IFT80: variants seen among roughly 807,000 people sequenced by gnomAD.
The protein encoded by IFT80 is intraflagellar transport 80.
A neutral mutation model predicts 107.9 loss-of-function variants in IFT80; 79 were observed. That is an observed-to-expected ratio of 0.73 (90% CI 0.61 to 0.88). The LOEUF is 0.88. IFT80 is among the 40% of genes least tolerant of loss of function. IFT80 has a pLI of 0.00. For synonymous variants in IFT80, 299 were observed against 300.9 expected, an observed-to-expected ratio of 0.99 and a Z score of 0.07; for missense variants, 797 against 914.2, an observed-to-expected ratio of 0.87 and a Z score of 1.65.
At chr3:160,268,878 G>T (rs575411473) in intron 18 of IFT80, 1 of 268,526 alleles carries the variant, frequency 3.7e-6, no homozygotes, top group Admixed American at 5.0e-5. Flanking sequence ...CTTATTGAAG[G>T]GAGACATTTC....
chr3:160,325,390 T>C (rs1308800170), intron 8 of IFT80, among the ~76,000 whole-genome samples: 1 of 152,102 alleles, frequency 6.6e-6, no homozygotes, highest in Non-Finnish European at 1.5e-5. Context: ...AAGGAATGTC[T>C]TACTAAAATT....
At chr3:160,359,348 G>C (rs1162731603) in intron 6 of IFT80, among the ~76,000 whole-genome samples, 1 of 152,126 alleles carries the variant, frequency 6.6e-6, no homozygotes, top group Non-Finnish European at 1.5e-5. Flanking sequence ...CTAATTACAG[G>C]TATCTAAACA....
intron 10 of IFT80, among the ~76,000 whole-genome samples, chr3:160,305,416 G>T (rs1716766602): frequency 1.3e-5 from 2 of 152,116 alleles, no homozygotes; most frequent in Non-Finnish European, 2.9e-5. Flanking sequence ...TTATTAATTA[G>T]TCTGGGGTTC....
At chr3:160,381,916 A>C (rs1325483628) in intron 2 of IFT80, among the ~76,000 whole-genome samples, 192 bp from the exon 3 acceptor site, 2 of 152,190 alleles carry the variant, frequency 1.3e-5, no homozygotes, top group Non-Finnish European at 2.9e-5. Context: ...GAATTGTAAA[A>C]ATGGAAAGCA....
intron 16 of IFT80, among the ~76,000 whole-genome samples, chr3:160,278,759 G>A (rs1286088369): frequency 1.3e-5 from 2 of 152,078 alleles, no homozygotes; most frequent in African/African-American, 4.8e-5. Context: ...AAAGGTCTAT[G>A]GTCAAACATG....
intron 8 of IFT80, chr3:160,320,253 A>T (rs1021024424): frequency 1.4e-5 from 3 of 216,238 alleles, no homozygotes; most frequent in African/African-American, 6.9e-5. Flanking sequence ...TCTGTAGAAA[A>T]AACAAAGACA....
Position 160,357,581 on chromosome 3 carries a change from G to A in IFT80, c.550-3C>T. ...ATAATGCCATCATGAGCTTTCCACT[G>A]TGAGAAAAAAGAATAAGATATTAAT... On this transcript the variant is annotated splice_polypyrimidine_tract_variant and splice_region_variant and intron_variant, in intron 6 of 19. Transcript: ENST00000326448. 6.4e-7 allele frequency: 1 copy of A among 1,568,512 alleles called. No homozygotes were observed. The highest frequency in any genetic ancestry group is 8.8e-7 in the Non-Finnish European group (1 of 1,141,116).
chr3:160,284,508 C>G (rs978720175), intron 13 of IFT80, among the ~76,000 whole-genome samples: 2 of 152,184 alleles, frequency 1.3e-5, no homozygotes, highest in African/African-American at 4.8e-5. Flanking sequence ...CTCATACACT[C>G]TCTTTGGAAG....
rs529617151 is a variant in IFT80, at chr3:160,258,423, G to T, written c.*102C>A. On this transcript the variant is annotated 3_prime_UTR_variant, in exon 20 of 20. Transcript: ENST00000326448. Reference sequence around the variant, plus strand: ...AATACACAGCAAGTACTTATACTCGGTTAAAGATTATGCTTTTTTCTTTAG... The same window carrying T: ...AATACACAGCAAGTACTTATACTCGTTTAAAGATTATGCTTTTTTCTTTAG... 1.9e-4 allele frequency: 268 copies of T among 1,433,810 alleles called. 6 individuals carry two copies. The South Asian group carries it at 3.0e-3, about 16-fold the overall frequency. 88.8% of individuals were successfully genotyped at this position (1,433,810 alleles called of 1,614,324 possible). A position where few individuals can be genotyped will look rare whatever the true frequency, so the allele number is the denominator to read the frequency against.
chr3:160,257,554 G>A lies in IFT80; in HGVS notation c.*971C>T, dbSNP rs981268214. 1 of 152,118 alleles carries A rather than the reference G, an allele frequency of 6.6e-6. No individual in the cohort carries two copies. Among genetic ancestry groups the A allele is most frequent in the African/African-American group, 2.4e-5 (1 of 41,414 alleles). The allele number at this position is 152,118 out of a possible 1,614,324, so 9.4% of individuals were successfully genotyped here. On this transcript the variant is annotated 3_prime_UTR_variant, in exon 20 of 20. Coordinates refer to ENST00000326448, the MANE Select transcript of IFT80 (RefSeq NM_020800.3). ...ATTCTCAAGTCAAGAGAGGAATGAG[G>A]AGAATCCTTCTTGCCCATTCTAGAT...
intron 1 of IFT80, among the ~76,000 whole-genome samples, chr3:160,398,277 GA>G (rs1259024714): frequency 6.6e-6 from 1 of 152,086 alleles, no homozygotes; most frequent in Non-Finnish European, 1.5e-5. Flanking sequence ...GAGAATCACT[GA>G]ACCTGACTTC....
At chr3:160,291,854 A>G (rs1715585012) in intron 12 of IFT80, among the ~76,000 whole-genome samples, 1 of 152,188 alleles carries the variant, frequency 6.6e-6, no homozygotes, top group Non-Finnish European at 1.5e-5. Flanking sequence ...GGTGATTGGA[A>G]TTGACGAGCA....
At chr3:160,316,871 A>C (rs557829997) in intron 9 of IFT80, among the ~76,000 whole-genome samples, 1 of 152,286 alleles carries the variant, frequency 6.6e-6, no homozygotes, top group African/African-American at 2.4e-5. Flanking sequence ...GCCTTTCTGA[A>C]AACTAAGACA....
Position 160,351,306 on chromosome 3 carries a change from AATTAT to A in IFT80, c.777+4702_777+4706del, listed in dbSNP as rs1199792386. Reference sequence around the variant, plus strand: ...CATTTTTAATAACAATATAATAATTAATTATAAGAATTATATTCCATAATTAAGTT... The same window carrying A: ...CATTTTTAATAACAATATAATAATTAAAGAATTATATTCCATAATTAAGTT... On this transcript the variant is annotated intron_variant, in intron 8 of 19. Transcript: ENST00000326448. Among the ~76,000 whole-genome samples the A allele has an allele frequency of 9.3e-5, 14 of 149,980 alleles. No individual in the cohort carries two copies. In the South Asian group the frequency reaches 2.5e-3, roughly 27 times the overall value.
chr3:160,257,923 T>G lies in IFT80; in HGVS notation c.*602A>C, dbSNP rs1010167395. 1 of 153,876 alleles carries G rather than the reference T, an allele frequency of 6.5e-6. No homozygotes were observed. The highest frequency in any genetic ancestry group is 2.4e-5 in the African/African-American group (1 of 41,474). 9.5% of individuals were successfully genotyped at this position (153,876 alleles called of 1,614,324 possible). A position where few individuals can be genotyped will look rare whatever the true frequency, so the allele number is the denominator to read the frequency against. On this transcript the variant is annotated 3_prime_UTR_variant, in exon 20 of 20. Coordinates refer to ENST00000326448, the MANE Select transcript of IFT80 (RefSeq NM_020800.3). ...AAGGTTTATCCTGAGGTAGTATTTA[T>G]CAGAATTTCATTCCTTTTTAAAGCT...
chr3:160,398,311 T>C (rs1313497512), intron 1 of IFT80, among the ~76,000 whole-genome samples: 4 of 152,058 alleles, frequency 2.6e-5, no homozygotes, highest in Non-Finnish European at 5.9e-5. Context: ...GGAAGAACCA[T>C]AATGTATTTA....
chr3:160,364,885 G>A lies in IFT80; in HGVS notation c.549+1158C>T, dbSNP rs138243189. Reference sequence around the variant, plus strand: ...GGGGCTGGGGGAGGGATAGCATTAGGAGAAATACCTAATATAAATGATGAG... The same window carrying A: ...GGGGCTGGGGGAGGGATAGCATTAGAAGAAATACCTAATATAAATGATGAG... On this transcript the variant is annotated intron_variant, in intron 6 of 19. Transcript: ENST00000326448. Among the ~76,000 whole-genome samples, 395 of 151,954 alleles carry A rather than the reference G, an allele frequency of 2.6e-3. 4 individuals carry two copies. Among genetic ancestry groups the A allele is most frequent in the African/African-American group, 8.7e-3 (362 of 41,440 alleles).
At chr3:160,356,334 G>A (rs769437757) in intron 7 of IFT80, among the ~76,000 whole-genome samples, 184 bp from the exon 8 acceptor site, 29 of 152,186 alleles carry the variant, frequency 1.9e-4, no homozygotes, top group Non-Finnish European at 3.7e-4. Flanking sequence ...GCAATTAAAC[G>A]TCTTTACTAT....
chr3:160,334,339 T>C (rs539166095), intron 8 of IFT80, among the ~76,000 whole-genome samples: 1 of 152,218 alleles, frequency 6.6e-6, no homozygotes, highest in Admixed American at 6.5e-5. Flanking sequence ...TTGTTGGAAG[T>C]TGAGTAATGG....
Sources: gnomAD v4.1 joint callset for allele counts (sites outside exome capture counted in the v4.1 genomes callset) on GRCh38, gnomAD v4.1.1 for gene constraint, MANE v1.5 for transcripts, NCBI Gene and HGNC (gene_info 2026-07-23, HGNC 2026-07-21) for gene names.